The following IL20RB variants were observed in gnomAD, a reference collection of about 807,000 sequenced individuals.
IL20RB encodes interleukin 20 receptor subunit beta.
In IL20RB, 21 loss-of-function variants were observed where a neutral mutation model predicts 33.3. The ratio of observed to expected loss-of-function variants is 0.63; its 90% CI spans 0.45 to 0.91. The LOEUF (loss-of-function observed/expected upper bound fraction) is 0.91, where lower values mean the gene tolerates loss of function less well. IL20RB is among the 40% of genes least tolerant of loss of function. The pLI, the probability that IL20RB is intolerant of heterozygous loss-of-function variation, is 0.00. For synonymous variants in IL20RB, 147 were observed against 146.8 expected (o/e 1.00, Z -0.01); for missense variants, 345 against 384.8 (o/e 0.90, Z 0.86).
At chr3:136,980,990 G>A (rs1277890394) in intron 2 of IL20RB, among the ~76,000 whole-genome samples, 1 of 152,168 alleles carries the variant, frequency 6.6e-6, no homozygotes. Context: ...AAGGTCAGCT[G>A]GCCCTGGGGC....
At chr3:136,979,403 G>A (rs894686376) in intron 1 of IL20RB, among the ~76,000 whole-genome samples, 20 of 152,178 alleles carry the variant, frequency 1.3e-4, no homozygotes, top group African/African-American at 4.6e-4. Context: ...AGTCCCAAAT[G>A]AGGACTCCAG....
At chr3:136,994,355 T>C (rs1942087009) in intron 5 of IL20RB, among the ~76,000 whole-genome samples, 1 of 152,196 alleles carries the variant, frequency 6.6e-6, no homozygotes, top group Non-Finnish European at 1.5e-5. Context: ...TTATTTCACA[T>C]TGCATGCCTG....
Position 137,010,354 on chromosome 3 carries a change from A to G in IL20RB, c.*131A>G. On this transcript the variant is annotated 3_prime_UTR_variant, in exon 7 of 7. Transcript: ENST00000329582. ...GAAGTAGGAAGAGCCTGTTGTCTAC[A>G]AGTCTAGAAGCAACCATCAGAGGCA... is the stretch of plus-strand genomic sequence containing the variant. 1 of 610,594 alleles carries G rather than the reference A, an allele frequency of 1.6e-6. No homozygotes were observed. 37.8% of individuals were successfully genotyped at this position (610,594 alleles called of 1,614,324 possible).
At chr3:136,976,667 C>T (rs943649840) in intron 1 of IL20RB, among the ~76,000 whole-genome samples, 1 of 152,196 alleles carries the variant, frequency 6.6e-6, no homozygotes, top group African/African-American at 2.4e-5. Flanking sequence ...GAGCTCATTC[C>T]CAGTTTGTGC....
chr3:136,987,865 C>T (rs376092097), intron 3 of IL20RB, among the ~76,000 whole-genome samples: 5 of 152,178 alleles, frequency 3.3e-5, no homozygotes, highest in South Asian at 4.1e-4. Context: ...CCGGCAGGGC[C>T]GGCCGGCTGC....
intron 6 of IL20RB, among the ~76,000 whole-genome samples, chr3:137,003,117 C>T (rs9881487): frequency 0.013 from 1,962 of 152,234 alleles, 27 homozygotes; most frequent in Admixed American, 0.027. Flanking sequence ...CTGTTCTGTT[C>T]CATTTGTCTA....
At chr3:136,984,572 A>C (rs1490326852) in intron 3 of IL20RB, among the ~76,000 whole-genome samples, 1 of 152,004 alleles carries the variant, frequency 6.6e-6, no homozygotes, top group Admixed American at 6.6e-5. Flanking sequence ...CGGATGAGTC[A>C]AAATTTACTG....
chr3:136,962,444 G>T (rs555976482), intron 1 of IL20RB, among the ~76,000 whole-genome samples: 3 of 152,146 alleles, frequency 2.0e-5, no homozygotes, highest in East Asian at 3.9e-4. Flanking sequence ...AAAACAACTG[G>T]CCAGTACTTC....
At position 136,995,467 on chromosome 3, in the gene IL20RB, A is replaced by G. The variant is rs1942107570; in HGVS notation, c.736A>G (p.Ile246Val). 8 of 1,614,012 alleles carry G rather than the reference A, an allele frequency of 5.0e-6. No homozygotes were observed. Among genetic ancestry groups the G allele is most frequent in the African/African-American group, 1.3e-5 (1 of 74,968 alleles). Reference sequence around the variant, plus strand: ...GTTTGCCTTTGTTGGCTTCATGCTGATCCTTGTGGTCGTGCCACTGTTCGT... The same window carrying G: ...GTTTGCCTTTGTTGGCTTCATGCTGGTCCTTGTGGTCGTGCCACTGTTCGT... ...ALFAFVGFML[I>V]LVVVPLFVWK... Residue 246 changes from isoleucine (I) to valine (V), a missense_variant, in exon 6 of 7, where the codon ATC (isoleucine) becomes GTC (valine). Transcript: ENST00000329582.
intron 1 of IL20RB, among the ~76,000 whole-genome samples, chr3:136,970,326 C>A (rs908362672): frequency 1.3e-5 from 2 of 152,046 alleles, no homozygotes; most frequent in African/African-American, 4.8e-5. Flanking sequence ...AACTCCTGAG[C>A]TCAAGTGATT....
intron 3 of IL20RB, chr3:136,986,814 T>G: frequency 2.2e-6 from 1 of 452,726 alleles, no homozygotes; most frequent in Non-Finnish European, 4.4e-6. Context: ...AGGTGGCGCG[T>G]CTGGAGTCTG....
At chr3:136,970,511 T>C (rs1941446142) in intron 1 of IL20RB, among the ~76,000 whole-genome samples, 1 of 152,240 alleles carries the variant, frequency 6.6e-6, no homozygotes, top group Non-Finnish European at 1.5e-5. Context: ...CTTGGGTCTA[T>C]TCCTTTGCCA....
At position 136,995,405 on chromosome 3, in the gene IL20RB, T is replaced by G; in HGVS notation, c.683-9T>G. The stretch of plus-strand genomic sequence containing the variant: ...GTTTTCTAAGCCTGTTTTTATCTTT[T>G]GTTTCCAGGAGAGGCCATTCCCCTG... On this transcript the variant is annotated splice_polypyrimidine_tract_variant and intron_variant, in intron 5 of 6. Coordinates refer to ENST00000329582, the MANE Select transcript of IL20RB (RefSeq NM_144717.4). The G allele has an allele frequency of 2.5e-6, 4 of 1,613,226 alleles. No homozygotes were observed. The South Asian group carries it at 4.4e-5, about 18-fold the overall frequency.
rs576709523 is a variant in IL20RB, at chr3:136,990,134, C to T, written c.531+569C>T. ...GCTACAGCCTGGGATGGGTGGGAGG[C>T]CAGCCCTCACAGAGGGAATAGCCAG... On this transcript the variant is annotated intron_variant, in intron 4 of 6. Coordinates refer to ENST00000329582, the MANE Select transcript of IL20RB (RefSeq NM_144717.4). 1.4e-3 allele frequency among the ~76,000 whole-genome samples: 215 copies of T among 151,898 alleles called. 1 individual carries two copies. The highest frequency in any genetic ancestry group is 4.2e-3 in the African/African-American group (174 of 41,420).
intron 1 of IL20RB, among the ~76,000 whole-genome samples, chr3:136,962,760 A>C (rs185463838): frequency 9.6e-5 from 14 of 145,820 alleles, no homozygotes; most frequent in African/African-American, 1.7e-4. Flanking sequence ...CAAAAAAAAA[A>C]CAAAAAACTC....
chr3:137,010,117 T>C lies in IL20RB; in HGVS notation c.830T>C (p.Ile277Thr). 6.5e-7 allele frequency: 1 copy of C among 1,535,472 alleles called. No homozygotes were observed. Among genetic ancestry groups the C allele is most frequent in the African/African-American group, 1.4e-5 (1 of 73,488 alleles). ...TTAATGAAAATTATTTTTCAGAAAA[T>C]AACCAATTCACCCCAGAAGTTAATC... ...PVVVLPDTLK[I>T]TNSPQKLISC... The change falls in exon 7 of 7, where the codon ATA becomes ACA. Residue 277 changes from isoleucine to threonine, a missense_variant. Coordinates refer to ENST00000329582, the MANE Select transcript of IL20RB (RefSeq NM_144717.4).
Position 136,992,061 on chromosome 3 carries a change from A to G in IL20RB, c.655A>G (p.Ser219Gly), listed in dbSNP as rs1402127222. The G allele has an allele frequency of 1.2e-6, 2 of 1,614,194 alleles. No individual in the cohort carries two copies. Among genetic ancestry groups the G allele is most frequent in the East Asian group, 2.2e-5 (1 of 44,886 alleles). The change falls in exon 5 of 7, where the codon AGC (serine) becomes GGC (glycine). Residue 219 changes from serine (S) to glycine (G), a missense_variant. Transcript: ENST00000329582. ...VKAIGRYSAF[S>G]QTECVEVQGE... ...GGCCATTGGGAGGTACAGCGCCTTC[A>G]GCCAGACAGAATGTGTGGAGGTGCA...
At position 136,992,048 on chromosome 3, in the gene IL20RB, G is replaced by A. The variant is rs147640299; in HGVS notation, c.642G>A (p.Arg214=). 54 of 1,614,210 alleles carry A rather than the reference G, an allele frequency of 3.3e-5. No homozygotes were observed. Among genetic ancestry groups the A allele is most frequent in the Non-Finnish European group, 4.3e-5 (51 of 1,180,036 alleles). ...KAQTFVKAIG[R]YSAFSQTECV... ...AGACATTCGTGAAGGCCATTGGGAG[G>A]TACAGCGCCTTCAGCCAGACAGAAT... Residue 214 remains arginine (R), a synonymous_variant, in exon 5 of 7, where the codon AGG becomes AGA. Coordinates refer to ENST00000329582, the MANE Select transcript of IL20RB (RefSeq NM_144717.4).
intron 3 of IL20RB, among the ~76,000 whole-genome samples, chr3:136,983,072 A>G (rs1941820016): frequency 6.6e-6 from 1 of 151,520 alleles, no homozygotes. Context: ...GAAAGAGGAG[A>G]GGATCTAGAC....
Sources: allele counts gnomAD v4.1 joint callset (sites outside exome capture counted in the v4.1 genomes callset), GRCh38; gene constraint gnomAD v4.1.1; transcripts MANE v1.5; gene names NCBI Gene and HGNC (gene_info 2026-07-23, HGNC 2026-07-21).